HDAC7: variants seen among roughly 807,000 people sequenced by gnomAD.
The protein encoded by HDAC7 is histone deacetylase 7A.
Under a neutral mutation model 115.5 loss-of-function variants are expected in HDAC7, and 26 were observed. That is an observed-to-expected ratio of 0.23 (90% confidence interval 0.16 to 0.31). The LOEUF (loss-of-function observed/expected upper bound fraction) is 0.31, where lower values mean the gene tolerates loss of function less well. HDAC7 is among the 10% of genes least tolerant of loss of function. The pLI, the probability that HDAC7 is intolerant of heterozygous loss-of-function variation, is 1.00. For synonymous variants in HDAC7, 564 were observed against 550.9 expected, an observed-to-expected ratio of 1.02 and a Z score of -0.33; for missense variants, 1,068 against 1,329.0, an observed-to-expected ratio of 0.80 and a Z score of 3.05.
At chr12:47,802,463 T>C (rs1298647642) in intron 1 of HDAC7, 189 bp from the exon 2 acceptor site, 9 of 1,551,226 alleles carry the variant, frequency 5.8e-6, no homozygotes, top group Non-Finnish European at 4.4e-6. Flanking sequence ...GTCCCCCTGC[T>C]GGTGAAAAGG....
intron 1 of HDAC7, among the ~76,000 whole-genome samples, chr12:47,809,568 T>C (rs1294599159): frequency 1.3e-5 from 2 of 151,992 alleles, no homozygotes; most frequent in African/African-American, 4.8e-5. Context: ...ACTAAGCGAT[T>C]TTTATTTATT....
intron 24 of HDAC7, chr12:47,785,126 C>A (rs3815136): frequency 0.78 from 424,963 of 544,358 alleles, 166,999 homozygotes; most frequent in East Asian, 0.92. Flanking sequence ...CTAGGGCTGT[C>A]GCTAGAGATG....
rs143336811 is a variant in HDAC7 at position 47,797,565 on chromosome 12, C to G, written c.462-66G>C. On this transcript the variant is annotated intron_variant, in intron 5 of 25. Coordinates refer to ENST00000080059, the MANE Select transcript of HDAC7 (RefSeq NM_015401.5). The surrounding 1 kb of genome is among the most constrained non-coding windows in gnomAD (Gnocchi z 5.5). ...CACTGCACGGGCACTGCCCTGAGCACGGGCCCTGGGACCTGAGGGGGAGGC... is the reference window on the plus strand; with the variant it reads ...CACTGCACGGGCACTGCCCTGAGCAGGGGCCCTGGGACCTGAGGGGGAGGC... 1.8e-4 allele frequency: 228 copies of G among 1,245,220 alleles called. No individual in the cohort carries two copies. The African/African-American group carries it at 3.0e-3, about 16-fold the overall frequency. 77.1% of individuals were successfully genotyped at this position (1,245,220 alleles called of 1,614,324 possible). A position where few individuals can be genotyped will look rare whatever the true frequency, so the allele number is the denominator to read the frequency against.
chr12:47,797,196 C>A lies in HDAC7; in HGVS notation c.578-54G>T. 1 of 1,562,352 alleles carries A rather than the reference C, an allele frequency of 6.4e-7. No individual in the cohort carries two copies. On this transcript the variant is annotated intron_variant, in intron 6 of 25. Coordinates refer to ENST00000080059, the MANE Select transcript of HDAC7 (RefSeq NM_015401.5). The surrounding 1 kb of genome is among the most constrained non-coding windows in gnomAD (Gnocchi z 5.5). ...CCCCACCACCCTTCTTTTTTCCACC[C>A]TTTAACCCCTCAGTCCCAGTCATCT...
intron 11 of HDAC7, 30 bp from the exon 12 acceptor site, chr12:47,794,963 C>T (rs1943728494): frequency 1.3e-6 from 2 of 1,581,678 alleles, no homozygotes; most frequent in African/African-American, 2.7e-5. Flanking sequence ...GCTGAGAAGC[C>T]ATGGTGGAGC....
At chr12:47,799,559 A>G (rs1262624871) in intron 2 of HDAC7, among the ~76,000 whole-genome samples, 1 of 152,216 alleles carries the variant, frequency 6.6e-6, no homozygotes, top group Non-Finnish European at 1.5e-5. Flanking sequence ...CTGACCGGCC[A>G]CGTTGGGCCT....
At chr12:47,802,818 T>C (rs1178234845) in intron 1 of HDAC7, among the ~76,000 whole-genome samples, 1 of 151,368 alleles carries the variant, frequency 6.6e-6, no homozygotes, top group Non-Finnish European at 1.5e-5. Context: ...GTTTCCAGAG[T>C]GGGGGAGGGA....
chr12:47,799,710 T>C (rs1221382356), intron 2 of HDAC7, among the ~76,000 whole-genome samples: 3 of 152,332 alleles, frequency 2.0e-5, no homozygotes, highest in South Asian at 4.1e-4. Context: ...AAGTGTCCTC[T>C]GCACCCACAC....
At chr12:47,819,550 C>G (rs573915007) in intron 1 of HDAC7, among the ~76,000 whole-genome samples, 1 of 151,950 alleles carries the variant, frequency 6.6e-6, no homozygotes, top group Non-Finnish European at 1.5e-5. Context: ...CCTCCGGCCC[C>G]CGGAACCAGC....
rs1944015316 is a variant in HDAC7, at chr12:47,798,814, G to A, written c.229C>T (p.Gln77Ter). The A allele has an allele frequency of 6.4e-7, 1 of 1,558,850 alleles. No homozygotes were observed. Among genetic ancestry groups the A allele is most frequent in the Non-Finnish European group, 8.7e-7 (1 of 1,150,896 alleles). ...LHHHLFLAGL[Q>*]QQRSVEPMRL... Reference sequence around the variant, plus strand: ...ATGGGCTCCACCGAGCGCTGCTGCTGCAGGCCTGCTAGGAAGAGGTGGTGG... The same window carrying A: ...ATGGGCTCCACCGAGCGCTGCTGCTACAGGCCTGCTAGGAAGAGGTGGTGG... The change falls in exon 3 of 26, where the codon CAG (glutamine) becomes TAG (stop). Residue 77 changes from glutamine to a stop codon, truncating the protein, a stop_gained. Coordinates refer to ENST00000080059, the MANE Select transcript of HDAC7 (RefSeq NM_015401.5). LOFTEE classifies it high-confidence loss of function. The surrounding 1 kb of genome is among the most constrained non-coding windows in gnomAD (Gnocchi z 4.3).
At position 47,794,890 on chromosome 12, in the gene HDAC7, G is replaced by A. The variant is rs777393389; in HGVS notation, c.1328C>T (p.Pro443Leu). The A allele has an allele frequency of 1.2e-6, 2 of 1,613,380 alleles. No homozygotes were observed. The highest frequency in any genetic ancestry group is 1.1e-5 in the South Asian group (1 of 91,074). The change falls in exon 12 of 26, where the codon CCC (proline) becomes CTC (leucine). Residue 443 changes from proline (P) to leucine (L), a missense_variant. Pro to Leu is a moderately conservative substitution (Grantham distance 98, BLOSUM62 -3). This residue lies in a region of HDAC7 where 618 missense variants were observed against 701.5 expected (regional missense o/e 0.88). Coordinates refer to ENST00000080059, the MANE Select transcript of HDAC7 (RefSeq NM_015401.5). ...PSEKPRLRQI[P>L]SAEDLETDGG... is the part of the protein sequence containing the mutation. ...ATCTGTCTCCAGGTCTTCAGCCGAG[G>A]GTATCTGCCGCAGCCGGGGCTTCTC...
chr12:47,794,772 C>A lies in HDAC7; in HGVS notation c.1446G>T (p.Gln482His). The change falls in exon 12 of 26, where the codon CAG becomes CAT. Residue 482 changes from glutamine to histidine, a missense_variant. Coordinates refer to ENST00000080059, the MANE Select transcript of HDAC7 (RefSeq NM_015401.5). Reference protein sequence around the residue: ...QPEARGPAPLQQHPQVLLWEQ... With the variant: ...QPEARGPAPLHQHPQVLLWEQ... ...GGGACTGCCATACCTGAGGGTGCTG[C>A]TGGAGAGGAGCGGGGCCTCTGGCCT... 1 of 1,602,730 alleles carries A rather than the reference C, an allele frequency of 6.2e-7. No homozygotes were observed. Among genetic ancestry groups the A allele is most frequent in the Non-Finnish European group, 8.5e-7 (1 of 1,175,284 alleles).
chr12:47,795,969 C>T lies in HDAC7; in HGVS notation c.843G>A (p.Pro281=), dbSNP rs1321517545. Residue 281 remains proline (P), a synonymous_variant, in exon 9 of 26, where the codon CCG becomes CCA. Coordinates refer to ENST00000080059, the MANE Select transcript of HDAC7 (RefSeq NM_015401.5). This position sits in a 1 kb window ranked among gnomAD's most constrained non-coding sequence, Gnocchi z 4.3. ...RLRLQETSVA[P]FALPTVSLLP... Reference sequence around the variant, plus strand: ...GCAAGGACACTGTCGGCAAGGCGAACGGGGCCACAGAAGTCTCCTGCAGCC... The same window carrying T: ...GCAAGGACACTGTCGGCAAGGCGAATGGGGCCACAGAAGTCTCCTGCAGCC... 28 of 1,549,814 alleles carry T rather than the reference C, an allele frequency of 1.8e-5. No individual in the cohort carries two copies. The highest frequency in any genetic ancestry group is 2.4e-5 in the Non-Finnish European group (27 of 1,147,354).
intron 1 of HDAC7, among the ~76,000 whole-genome samples, chr12:47,807,098 C>G (rs1464049497): frequency 6.6e-6 from 1 of 152,184 alleles, no homozygotes; most frequent in South Asian, 2.1e-4. Flanking sequence ...AGCCACCAAG[C>G]CCAGCTAATT....
chr12:47,816,138 T>A (rs1479401448), intron 1 of HDAC7, among the ~76,000 whole-genome samples: 1 of 152,066 alleles, frequency 6.6e-6, no homozygotes, highest in Admixed American at 6.5e-5. Flanking sequence ...GTGATCCACC[T>A]GCCTCGGCCT....
Position 47,798,693 on chromosome 12 carries a change from G to A in HDAC7, c.259-41C>T. The A allele has an allele frequency of 6.3e-7, 1 of 1,588,670 alleles. No individual in the cohort carries two copies. Among genetic ancestry groups the A allele is most frequent in the Non-Finnish European group, 8.6e-7 (1 of 1,166,478 alleles). ...GCAGCCCAGAAAGGGACAAGGAGTT[G>A]AGGACTGAGACTGGTGTCTAGGGAT... On this transcript the variant is annotated intron_variant, in intron 3 of 25. Coordinates refer to ENST00000080059, the MANE Select transcript of HDAC7 (RefSeq NM_015401.5). This position sits in a 1 kb window ranked among gnomAD's most constrained non-coding sequence, Gnocchi z 4.3.
chr12:47,796,035 C>T lies in HDAC7; in HGVS notation c.796-19G>A, dbSNP rs532193058. 6.2e-4 allele frequency: 962 copies of T among 1,547,608 alleles called. No homozygotes were observed. Among genetic ancestry groups the T allele is most frequent in the Non-Finnish European group, 7.8e-4 (896 of 1,145,068 alleles). On this transcript the variant is annotated intron_variant, in intron 8 of 25. Coordinates refer to ENST00000080059, the MANE Select transcript of HDAC7 (RefSeq NM_015401.5). ...AGAGCGCCTGCCATAGGGAGCAGGGCGAGGGTCACCGGTCCCAGACCTCTA... is the reference window on the plus strand; with the variant it reads ...AGAGCGCCTGCCATAGGGAGCAGGGTGAGGGTCACCGGTCCCAGACCTCTA...
In HDAC7 at chr12:47,795,885, G is replaced by A. The variant is rs1943801156; in HGVS notation, c.906+21C>T. ...GAAGCTGGGGGGGCTTGGAGTGGGG[G>A]TGGGCACCCCAGCCACTCACCCTGG... is the stretch of plus-strand genomic sequence containing the variant. On this transcript the variant is annotated intron_variant, in intron 9 of 25. Transcript: ENST00000080059. This position sits in a 1 kb window ranked among gnomAD's most constrained non-coding sequence, Gnocchi z 4.3. The A allele has an allele frequency of 1.3e-6, 2 of 1,532,052 alleles. No homozygotes were observed. The highest frequency in any genetic ancestry group is 2.0e-5 in the Admixed American group (1 of 50,850). The allele number at this position is 1,532,052 out of a possible 1,614,324, so 94.9% of individuals were successfully genotyped here.
At position 47,793,811 on chromosome 12, in the gene HDAC7, A is replaced by C. The variant is rs1439414882; in HGVS notation, c.1459-223T>G. On this transcript the variant is annotated intron_variant, in intron 12 of 25. Coordinates refer to ENST00000080059, the MANE Select transcript of HDAC7 (RefSeq NM_015401.5). The surrounding 1 kb of genome is among the most constrained non-coding windows in gnomAD (Gnocchi z 4.5). ...CCCCAGACTGACCACCCATTCCACC[A>C]GCTCCCCGGGCCCTTGGGGCTCCAA... 6.6e-6 allele frequency among the ~76,000 whole-genome samples: 1 copy of C among 152,068 alleles called. No homozygotes were observed. The highest frequency in any genetic ancestry group is 2.4e-5 in the African/African-American group (1 of 41,414).
Sources: allele counts gnomAD v4.1 joint callset (sites outside exome capture counted in the v4.1 genomes callset), GRCh38; gene constraint gnomAD v4.1.1; regional missense constraint gnomAD v4.1.1; non-coding constraint Gnocchi (gnomAD v3.1); transcripts MANE v1.5; gene names NCBI Gene and HGNC (gene_info 2026-07-23, HGNC 2026-07-21).